The following LRRFIP1 variants were observed in gnomAD, a reference collection of about 807,000 sequenced individuals.
The protein encoded by LRRFIP1 is leucine-rich repeat flightless-interacting protein 1.
LRRFIP1 carries 62 observed loss-of-function variants against 104.4 expected under a neutral mutation model. The observed-to-expected ratio is 0.59, with a 90% confidence interval of 0.48 to 0.73. The LOEUF is 0.73. LRRFIP1 is among the 30% of genes least tolerant of loss of function. The probability of loss-of-function intolerance (pLI) is 0.00; values close to 1 mark genes in which losing one functional copy is unlikely to be tolerated. For synonymous variants in LRRFIP1, 300 were observed against 299.0 expected, an observed-to-expected ratio of 1.00 and a Z score of -0.03; for missense variants, 796 against 824.5, an observed-to-expected ratio of 0.97 and a Z score of 0.42.
chr2:237,630,055 G>A (rs1371836394), intron 1 of LRRFIP1, among the ~76,000 whole-genome samples: 5 of 152,214 alleles, frequency 3.3e-5, no homozygotes, highest in African/African-American at 7.2e-5. Context: ...GGGTAGCAAT[G>A]TAAAGTATGT....
At chr2:237,709,152 C>A (rs1303950720) in intron 2 of LRRFIP1, among the ~76,000 whole-genome samples, 1 of 152,164 alleles carries the variant, frequency 6.6e-6, no homozygotes, top group Non-Finnish European at 1.5e-5. Flanking sequence ...AGAAATTCCT[C>A]CCTGGGAAAA....
intron 3 of LRRFIP1, among the ~76,000 whole-genome samples, chr2:237,715,709 C>T (rs1331264212): frequency 7.2e-5 from 11 of 152,218 alleles, no homozygotes; most frequent in African/African-American, 1.7e-4. Flanking sequence ...AGCTGCTTTG[C>T]GGAACAGTTT....
chr2:237,697,570 C>T (rs572864460), intron 1 of LRRFIP1, among the ~76,000 whole-genome samples: 1 of 152,156 alleles, frequency 6.6e-6, no homozygotes, highest in South Asian at 2.1e-4. Context: ...TAGCTGGTTC[C>T]AGGGAATATC....
chr2:237,656,530 T>G (rs2086842557), intron 1 of LRRFIP1, among the ~76,000 whole-genome samples: 1 of 152,222 alleles, frequency 6.6e-6, no homozygotes, highest in South Asian at 2.1e-4. Context: ...CAGTGGTTCT[T>G]GGCTGTGGCC....
At chr2:237,724,642 CTG>C (rs1235330598) in intron 7 of LRRFIP1, among the ~76,000 whole-genome samples, 1 of 152,210 alleles carries the variant, frequency 6.6e-6, no homozygotes, top group East Asian at 1.9e-4. Context: ...TTCTGTGACA[CTG>C]TAACTCCAGC....
At position 237,708,588 on chromosome 2, in the gene LRRFIP1, T is replaced by C; in HGVS notation, c.141T>C (p.Ala47=). The change falls in exon 2 of 24, where the codon GCT becomes GCC. Residue 47 remains alanine (A), a synonymous_variant. Transcript: ENST00000308482. ...LAAKRAARAE[A]REIRMKELER... is the part of the protein sequence containing the mutation. ...CAAAACGGGCGGCCCGCGCGGAGGCTCGCGAGATCCGCATGAAGGAGCTGG... is the reference window on the plus strand; with the variant it reads ...CAAAACGGGCGGCCCGCGCGGAGGCCCGCGAGATCCGCATGAAGGAGCTGG... 6.3e-7 allele frequency: 1 copy of C among 1,599,898 alleles called. No homozygotes were observed. Among genetic ancestry groups the C allele is most frequent in the Non-Finnish European group, 8.5e-7 (1 of 1,171,118 alleles).
At chr2:237,660,692 A>T (rs1266500241) in intron 1 of LRRFIP1, among the ~76,000 whole-genome samples, 1 of 152,156 alleles carries the variant, frequency 6.6e-6, no homozygotes, top group Non-Finnish European at 1.5e-5. Flanking sequence ...GCCATAAAGG[A>T]CTGGTCAAAC....
chr2:237,702,394 T>C (rs1391602050), intron 1 of LRRFIP1, among the ~76,000 whole-genome samples: 2 of 152,210 alleles, frequency 1.3e-5, no homozygotes, highest in East Asian at 3.9e-4. Context: ...CTGGCCAGGA[T>C]GGGTGGGATC....
At chr2:237,680,882 G>C (rs1312110612) in intron 1 of LRRFIP1, among the ~76,000 whole-genome samples, 1 of 152,172 alleles carries the variant, frequency 6.6e-6, no homozygotes, top group African/African-American at 2.4e-5. Flanking sequence ...TCCAGAGGCT[G>C]AGATGGGAGG....
At chr2:237,693,878 T>C (rs1457617097) in intron 1 of LRRFIP1, among the ~76,000 whole-genome samples, 1 of 152,166 alleles carries the variant, frequency 6.6e-6, no homozygotes, top group Non-Finnish European at 1.5e-5. Context: ...GGTCTATTAC[T>C]TAAGGCTGGG....
intron 8 of LRRFIP1, among the ~76,000 whole-genome samples, chr2:237,732,883 T>G (rs1015341876): frequency 3.9e-5 from 6 of 152,190 alleles, no homozygotes; most frequent in African/African-American, 1.4e-4. Flanking sequence ...CTCCCCGCTG[T>G]TTCCTGTTTT....
At chr2:237,719,624 T>C in intron 5 of LRRFIP1, 57 bp downstream of exon 5, 1 of 1,270,762 alleles carries the variant, frequency 7.9e-7, no homozygotes, top group Non-Finnish European at 1.1e-6. Flanking sequence ...AATTTATGCT[T>C]GCAGTGGCTG....
At position 237,762,752 on chromosome 2, in the gene LRRFIP1, G is replaced by A. The variant is rs765776821; in HGVS notation, c.1459+2547G>A. 1.1e-5 allele frequency: 18 copies of A among 1,614,108 alleles called. No individual in the cohort carries two copies. In the South Asian group the frequency reaches 1.3e-4, roughly 12 times the overall value. On this transcript the variant is annotated intron_variant, in intron 19 of 23. Coordinates refer to ENST00000308482, the MANE Select transcript of LRRFIP1 (RefSeq NM_001137550.2). ...GGTATTCCCTGCTGGTGAGAATACC[G>A]AGGACCAGAAATCCTCTGAAGACAC...
chr2:237,647,355 C>G (rs1430374773), intron 1 of LRRFIP1, among the ~76,000 whole-genome samples: 1 of 152,028 alleles, frequency 6.6e-6, no homozygotes, highest in Non-Finnish European at 1.5e-5. Flanking sequence ...TTCACTGGCT[C>G]TTAACACTTC....
In LRRFIP1 at chr2:237,703,629, C is replaced by T. The variant is rs1322921054; in HGVS notation, c.97-4915C>T. The stretch of plus-strand genomic sequence containing the variant: ...CCTGTCCTGCGGATGCCTTCCCCAG[C>T]CCCCCGGGGTTGGGTCAAGTTCTCC... On this transcript the variant is annotated intron_variant, in intron 1 of 23. Coordinates refer to ENST00000308482, the MANE Select transcript of LRRFIP1 (RefSeq NM_001137550.2). This position sits in a 1 kb window ranked among gnomAD's most constrained non-coding sequence, Gnocchi z 4.3. 6.6e-6 allele frequency among the ~76,000 whole-genome samples: 1 copy of T among 151,896 alleles called. No individual in the cohort carries two copies. The highest frequency in any genetic ancestry group is 2.4e-5 in the African/African-American group (1 of 41,338).
chr2:237,681,376 T>C (rs919251683), intron 1 of LRRFIP1, among the ~76,000 whole-genome samples: 3 of 152,178 alleles, frequency 2.0e-5, no homozygotes, highest in Non-Finnish European at 2.9e-5. Flanking sequence ...ATTCTTTTTT[T>C]TCTTTTTTGA....
At chr2:237,685,711 C>A (rs2092316958) in intron 1 of LRRFIP1, among the ~76,000 whole-genome samples, 1 of 152,176 alleles carries the variant, frequency 6.6e-6, no homozygotes, top group Non-Finnish European at 1.5e-5. Context: ...GCCCCTCAGG[C>A]CTTGCCCCAC....
intron 10 of LRRFIP1, among the ~76,000 whole-genome samples, 158 bp from the exon 11 acceptor site, chr2:237,739,074 G>A (rs1000402000): frequency 3.3e-5 from 5 of 152,186 alleles, no homozygotes; most frequent in African/African-American, 9.7e-5. Flanking sequence ...TTGAATATGC[G>A]TTTGCTGTCT....
intron 19 of LRRFIP1, chr2:237,765,112 A>C (rs1236370631): frequency 2.7e-6 from 1 of 374,052 alleles, no homozygotes; most frequent in Non-Finnish European, 3.7e-6. Context: ...AAATACAAAA[A>C]ATTGGCCGGG....
Sources: gnomAD v4.1 joint callset for allele counts (sites outside exome capture counted in the v4.1 genomes callset) on GRCh38, gnomAD v4.1.1 for gene constraint, Gnocchi (gnomAD v3.1) non-coding constraint, MANE v1.5 for transcripts, NCBI Gene and HGNC (gene_info 2026-07-23, HGNC 2026-07-21) for gene names.